The following MEI4 variants were observed in gnomAD, a reference collection of about 807,000 sequenced individuals.
The protein encoded by MEI4 is meiosis-specific protein MEI4.
In MEI4, 27 loss-of-function variants were observed where a neutral mutation model predicts 31.4. That is an observed-to-expected ratio of 0.86 (90% CI 0.63 to 1.19). MEI4 has a LOEUF of 1.19. MEI4 is among the 50% of genes most tolerant of loss of function. The probability of loss-of-function intolerance (pLI) is 0.00; values close to 1 mark genes in which losing one functional copy is unlikely to be tolerated. For missense variants in MEI4, 329 were observed against 398.9 expected (o/e 0.82, Z 1.49); for synonymous variants, 122 against 145.4 (o/e 0.84, Z 1.16).
intron 4 of MEI4, among the ~76,000 whole-genome samples, chr6:77,868,498 A>AATATATATATATATAT (rs1771107590): frequency 6.8e-5 from 1 of 14,604 alleles, no homozygotes; most frequent in Non-Finnish European, 1.4e-4. Flanking sequence ...TGTAAAAAAT[A>AATATATATATATATAT]CTACATATAT....
At chr6:77,730,362 T>A (rs1487281135) in intron 2 of MEI4, among the ~76,000 whole-genome samples, 1 of 152,136 alleles carries the variant, frequency 6.6e-6, no homozygotes. Context: ...GTGTGTGATA[T>A]TGACATCACA....
At chr6:77,727,438 G>A (rs1227571336) in intron 2 of MEI4, among the ~76,000 whole-genome samples, 2 of 152,260 alleles carry the variant, frequency 1.3e-5, no homozygotes, top group African/African-American at 2.4e-5. Context: ...TATATGTTTA[G>A]CATTTACCAG....
At chr6:77,846,763 C>T (rs1422037242) in intron 4 of MEI4, among the ~76,000 whole-genome samples, 1 of 152,134 alleles carries the variant, frequency 6.6e-6, no homozygotes, top group East Asian at 1.9e-4. Flanking sequence ...GTACCGTTAA[C>T]TATAGTGCTT....
intron 4 of MEI4, among the ~76,000 whole-genome samples, chr6:77,862,794 C>T (rs192787926): frequency 4.6e-5 from 7 of 152,322 alleles, no homozygotes; most frequent in African/African-American, 1.4e-4. Flanking sequence ...GGGTCCCTGA[C>T]CCCCAAGTAG....
At chr6:77,872,349 G>A (rs768753987) in intron 4 of MEI4, among the ~76,000 whole-genome samples, 8 of 152,040 alleles carry the variant, frequency 5.3e-5, no homozygotes, top group Non-Finnish European at 1.0e-4. Context: ...GGAGTCCAGG[G>A]CAGGAGGATT....
intron 4 of MEI4, among the ~76,000 whole-genome samples, chr6:77,880,004 G>C (rs948688793): frequency 6.6e-6 from 1 of 152,148 alleles, no homozygotes; most frequent in Non-Finnish European, 1.5e-5. Flanking sequence ...TTTTATTATT[G>C]ATGAAAAACA....
chr6:77,868,499 CTACA>C lies in MEI4; in HGVS notation c.900+39440_900+39443del, dbSNP rs1167801914. On this transcript the variant is annotated intron_variant, in intron 4 of 4. Transcript: ENST00000684080. ...GGAAAAAACTTCCATGTAAAAAATA[CTACA>C]TATATATATATATATATATATATAT... Among the ~76,000 whole-genome samples, 91 of 61,726 alleles carry C rather than the reference CTACA, an allele frequency of 1.5e-3. 12 individuals carry two copies. In the East Asian group the frequency reaches 0.017, roughly 12 times the overall value. 40.5% of individuals were successfully genotyped at this position (61,726 alleles called of 152,430 possible). A position where few individuals can be genotyped will look rare whatever the true frequency, so the allele number is the denominator to read the frequency against.
intron 3 of MEI4, among the ~76,000 whole-genome samples, chr6:77,802,747 A>T (rs538831162): frequency 6.6e-6 from 1 of 152,234 alleles, no homozygotes; most frequent in African/African-American, 2.4e-5. Context: ...GTTTATCTGG[A>T]TATGAAATTT....
intron 2 of MEI4, among the ~76,000 whole-genome samples, chr6:77,701,623 C>G (rs1766223852): frequency 6.6e-6 from 1 of 150,990 alleles, no homozygotes; most frequent in South Asian, 2.1e-4. Context: ...ATAAATATAA[C>G]AATATATTTA....
intron 3 of MEI4, among the ~76,000 whole-genome samples, chr6:77,777,361 G>C (rs1423806151): frequency 6.6e-6 from 1 of 152,154 alleles, no homozygotes; most frequent in Non-Finnish European, 1.5e-5. Flanking sequence ...GAGAATGGAA[G>C]CCAGGTGCTA....
chr6:77,867,815 C>G (rs1411726756), intron 4 of MEI4, among the ~76,000 whole-genome samples: 1 of 152,104 alleles, frequency 6.6e-6, no homozygotes, highest in Non-Finnish European at 1.5e-5. Flanking sequence ...TTGGAACCAA[C>G]CCAAATGTAC....
intron 2 of MEI4, among the ~76,000 whole-genome samples, chr6:77,694,328 C>T (rs12207147): frequency 1.7e-4 from 26 of 151,554 alleles, no homozygotes; most frequent in African/African-American, 5.8e-4. Context: ...TAGTTACATA[C>T]GTATACATGT....
chr6:77,777,810 T>C (rs1483763280), intron 3 of MEI4, among the ~76,000 whole-genome samples: 1 of 151,716 alleles, frequency 6.6e-6, no homozygotes, highest in Non-Finnish European at 1.5e-5. Flanking sequence ...GCATATATTC[T>C]CAGAAAGGTA....
At chr6:77,787,348 A>C (rs1768767246) in intron 3 of MEI4, among the ~76,000 whole-genome samples, 1 of 152,114 alleles carries the variant, frequency 6.6e-6, no homozygotes, top group Non-Finnish European at 1.5e-5. Context: ...TCCAGCCCTA[A>C]TGACCAAGGT....
At chr6:77,757,868 T>C (rs764751598) in intron 2 of MEI4, among the ~76,000 whole-genome samples, 1 of 152,074 alleles carries the variant, frequency 6.6e-6, no homozygotes, top group Non-Finnish European at 1.5e-5. Context: ...TGTGTTAATA[T>C]AGAAATAGGA....
rs556178233 is a variant in MEI4, at chr6:77,889,705, A to G, written c.901-33384A>G. ...CAGAGCATGTCAAGACCATCATGGC[A>G]GCCACTCCCATCACAGGCCTGGAGT... On this transcript the variant is annotated intron_variant, in intron 4 of 4. Transcript: ENST00000684080. Among the ~76,000 whole-genome samples, 76 of 152,354 alleles carry G rather than the reference A, an allele frequency of 5.0e-4. 1 individual carries two copies. Among genetic ancestry groups the G allele is most frequent in the Admixed American group, 1.1e-3 (17 of 15,300 alleles).
intron 3 of MEI4, among the ~76,000 whole-genome samples, chr6:77,778,961 A>C (rs1229943179): frequency 6.6e-6 from 1 of 152,140 alleles, no homozygotes; most frequent in Non-Finnish European, 1.5e-5. Context: ...TTGTAAGATG[A>C]CTGTAAGACA....
chr6:77,822,516 T>C (rs972655440), intron 3 of MEI4, among the ~76,000 whole-genome samples: 1 of 152,186 alleles, frequency 6.6e-6, no homozygotes, highest in Non-Finnish European at 1.5e-5. Context: ...TATAAATACA[T>C]TGACGTGTTA....
At chr6:77,715,802 G>A (rs1766567499) in intron 2 of MEI4, among the ~76,000 whole-genome samples, 1 of 152,112 alleles carries the variant, frequency 6.6e-6, no homozygotes, top group South Asian at 2.1e-4. Context: ...AACGTCACGT[G>A]ATGAGTTATT....
Sources: gnomAD v4.1 joint callset for allele counts (sites outside exome capture counted in the v4.1 genomes callset) on GRCh38, gnomAD v4.1.1 for gene constraint, MANE v1.5 for transcripts, NCBI Gene and HGNC (gene_info 2026-07-23, HGNC 2026-07-21) for gene names.